Variants in DDX60 observed in about 807,000 individuals in gnomAD.
DDX60 encodes the protein DExD/H-box helicase 60, also known as probable ATP-dependent RNA helicase DDX60.
A neutral mutation model predicts 212.8 loss-of-function variants in DDX60; 165 were observed. The ratio of observed to expected loss-of-function variants is 0.78; its 90% confidence interval spans 0.68 to 0.88. The LOEUF is 0.88. Among genes scored for constraint, DDX60 ranks in the 40% least tolerant of loss-of-function variants. DDX60 has a pLI of 0.00. For missense variants in DDX60, 1,905 were observed against 2,003.9 expected (o/e 0.95, Z 0.94); for synonymous variants, 703 against 685.3 (o/e 1.03, Z -0.40).
At chr4:168,255,908 A>G (rs1458015363) in intron 25 of DDX60, 39 bp from the exon 26 acceptor site, 1 of 1,549,810 alleles carries the variant, frequency 6.5e-7, no homozygotes, top group South Asian at 1.2e-5. Context: ...AAATAACATC[A>G]TAAATACAAT....
upstream of DDX60, chr4:168,318,822 G>A (rs191658023): frequency 1.4e-3 from 208 of 152,384 alleles, no homozygotes; most frequent in Non-Finnish European, 2.5e-3. Context: ...CCTCTCAGAA[G>A]CACTTAGGTT....
intron 21 of DDX60, 50 bp downstream of exon 21, chr4:168,267,791 T>C: frequency 6.4e-7 from 1 of 1,550,492 alleles, no homozygotes; most frequent in Non-Finnish European, 8.7e-7. Context: ...GCAGATTTTT[T>C]AAAAATAATA....
chr4:168,217,172 G>A, intron 37 of DDX60, 140 bp from the exon 38 acceptor site: 1 of 570,618 alleles, frequency 1.8e-6, no homozygotes, highest in Non-Finnish European at 3.0e-6. Flanking sequence ...ATAATGATAA[G>A]AAACATATTT....
At chr4:168,248,360 T>C (rs1734094760) in intron 28 of DDX60, 68 bp from the exon 29 acceptor site, 1 of 1,232,392 alleles carries the variant, frequency 8.1e-7, no homozygotes, top group South Asian at 1.6e-5. Context: ...TTTCCTGTCA[T>C]AAAGTTGCTG....
chr4:168,285,387 T>G lies in DDX60; in HGVS notation c.1445+6A>C, dbSNP rs755708121. On this transcript the variant is annotated splice_donor_region_variant and intron_variant, in intron 11 of 37. Transcript: ENST00000393743. ...ATTTATTGAGGCACAGTTTTTGGCC[T>G]TATACCTCTTTAGAAAAGGCAAATC... 5.7e-6 allele frequency: 9 copies of G among 1,585,990 alleles called. No individual in the cohort carries two copies. Among genetic ancestry groups the G allele is most frequent in the Non-Finnish European group, 8.6e-7 (1 of 1,158,168 alleles).
chr4:168,303,351 A>G lies in DDX60; in HGVS notation c.607-935T>C, dbSNP rs530811390. ...AGGAAAGATTCGACAGTGTGTAGGT[A>G]CTGTTAAAACTCAGATTTAGAAATT... is the stretch of plus-strand genomic sequence containing the variant. On this transcript the variant is annotated intron_variant, in intron 5 of 37. Coordinates refer to ENST00000393743, the MANE Select transcript of DDX60 (RefSeq NM_017631.6). Among the ~76,000 whole-genome samples the G allele has an allele frequency of 2.0e-5, 3 of 152,158 alleles. No individual in the cohort carries two copies. In the South Asian group the frequency reaches 6.2e-4, roughly 32 times the overall value.
rs535739690 is a variant in DDX60 at position 168,246,859 on chromosome 4, G to C, written c.3964-241C>G. On this transcript the variant is annotated intron_variant, in intron 29 of 37. Transcript: ENST00000393743. ...TATTTCATGCCATTAATTGCAGTAGGCATTTGTGTAATATATATCAAAGAA... is the reference window on the plus strand; with the variant it reads ...TATTTCATGCCATTAATTGCAGTAGCCATTTGTGTAATATATATCAAAGAA... Among the ~76,000 whole-genome samples, 4 of 152,236 alleles carry C rather than the reference G, an allele frequency of 2.6e-5. No homozygotes were observed. In the East Asian group the frequency reaches 7.7e-4, roughly 29 times the overall value.
chr4:168,286,627 G>A (rs1735874085), intron 10 of DDX60, among the ~76,000 whole-genome samples: 1 of 152,002 alleles, frequency 6.6e-6, no homozygotes, highest in Non-Finnish European at 1.5e-5. Flanking sequence ...GCAACTTGCT[G>A]CCTAAAAGAG....
chr4:168,284,737 T>C (rs997149597), intron 12 of DDX60, 83 bp downstream of exon 12: 3 of 646,974 alleles, frequency 4.6e-6, no homozygotes, highest in African/African-American at 3.7e-5. Context: ...TTAATTTGTG[T>C]CTTATGATAA....
Position 168,237,407 on chromosome 4 carries a change from A to T in DDX60, c.4290T>A (p.Gly1430=), listed in dbSNP as rs765245036. ...LVKEGYLDQE[G]NPMGFAGLVS... ...CAAGTCCAGCAAACCCCATAGGATT[A>T]CCTTCTTGATCTAAATAGCCCTAAA... is the stretch of plus-strand genomic sequence containing the variant. The change falls in exon 32 of 38, where the codon GGT becomes GGA. Residue 1430 remains glycine (G), a synonymous_variant. Coordinates refer to ENST00000393743, the MANE Select transcript of DDX60 (RefSeq NM_017631.6). 1.9e-6 allele frequency: 3 copies of T among 1,582,138 alleles called. No homozygotes were observed. The highest frequency in any genetic ancestry group is 1.7e-4 in the Middle Eastern group (1 of 5,946).
upstream of DDX60, among the ~76,000 whole-genome samples, chr4:168,320,676 C>T (rs1490937773): frequency 6.6e-6 from 1 of 152,110 alleles, no homozygotes; most frequent in Non-Finnish European, 1.5e-5. Flanking sequence ...TATTTGCAAA[C>T]AGCAGAAATA....
intron 9 of DDX60, 69 bp downstream of exon 9, chr4:168,288,105 T>G: frequency 9.6e-7 from 1 of 1,040,122 alleles, no homozygotes; most frequent in Non-Finnish European, 1.3e-6. Context: ...AAAATTATTT[T>G]GTAGTTTTAA....
chr4:168,308,401 A>T (rs1292074466), intron 3 of DDX60, among the ~76,000 whole-genome samples: 3 of 152,132 alleles, frequency 2.0e-5, no homozygotes, highest in Admixed American at 6.6e-5. Flanking sequence ...TTCACATCTT[A>T]GGCTCAGAGA....
upstream of DDX60, among the ~76,000 whole-genome samples, chr4:168,320,398 C>T (rs1737575609): frequency 6.6e-6 from 1 of 152,060 alleles, no homozygotes; most frequent in Non-Finnish European, 1.5e-5. Flanking sequence ...GCGTTGAAGA[C>T]AGTGGAAGGG....
At chr4:168,227,213 T>G (rs987549079) in intron 33 of DDX60, among the ~76,000 whole-genome samples, 4 of 143,782 alleles carry the variant, frequency 2.8e-5, no homozygotes, top group African/African-American at 1.1e-4. Context: ...TGGGAATGTT[T>G]TTTTTTTTTT....
chr4:168,229,213 A>G (rs1375532142), intron 33 of DDX60, among the ~76,000 whole-genome samples: 3 of 152,154 alleles, frequency 2.0e-5, no homozygotes, highest in Non-Finnish European at 2.9e-5. Flanking sequence ...GAAAGGGGGA[A>G]CATCCACCCC....
Position 168,252,509 on chromosome 4 carries a change from C to A in DDX60, c.3705G>T (p.Glu1235Asp). 1 of 1,613,406 alleles carries A rather than the reference C, an allele frequency of 6.2e-7. No homozygotes were observed. The highest frequency in any genetic ancestry group is 8.5e-7 in the Non-Finnish European group (1 of 1,179,802). ...TYADQKAVDT[E>D]TLQKVFGRVK... ...GAACGATCAGGTTGTAAGTGCTGAC[C>A]TCAGTGTCCACTGCTTTTTGATCAG... Residue 1235 changes from glutamate (E) to aspartate (D), a missense_variant and splice_region_variant, in exon 27 of 38, where the codon GAG becomes GAT. Transcript: ENST00000393743.
At chr4:168,275,614 T>G in intron 15 of DDX60, 111 bp from the exon 16 acceptor site, 3 of 935,798 alleles carry the variant, frequency 3.2e-6, no homozygotes, top group African/African-American at 1.7e-5. Context: ...TTTTACCACC[T>G]TTTAAATTTA....
chr4:168,236,097 G>A, intron 33 of DDX60, 155 bp downstream of exon 33: 1 of 629,718 alleles, frequency 1.6e-6, no homozygotes, highest in Non-Finnish European at 2.5e-6. Context: ...ATCAATTACA[G>A]ATTAAATATC....
Sources: allele counts gnomAD v4.1 joint callset (sites outside exome capture counted in the v4.1 genomes callset), GRCh38; gene constraint gnomAD v4.1.1; transcripts MANE v1.5; gene names NCBI Gene and HGNC (gene_info 2026-07-23, HGNC 2026-07-21).